DMD: variants seen among roughly 807,000 people sequenced by gnomAD.
DMD encodes the protein mutant dystrophin.
In DMD, 63 loss-of-function variants were observed where a neutral mutation model predicts 330.1. The ratio of observed to expected loss-of-function variants is 0.19; its 90% CI spans 0.16 to 0.24. The LOEUF is 0.24. Ranked by LOEUF, DMD falls within the 10% of genes least tolerant of loss-of-function variation. The pLI is 1.00. For missense variants in DMD, 3,344 were observed against 2,684.1 expected (o/e 1.25, Z -5.43); for synonymous variants, 1,223 against 959.8 (o/e 1.27, Z -5.07).
chrX:32,511,096 T>A (rs1240246138), intron 18 of DMD, among the ~76,000 whole-genome samples: 2 of 110,354 alleles, frequency 1.8e-5, no homozygotes, highest in African/African-American at 6.6e-5. Context: ...TTCATTTTCT[T>A]TTATATATTT....
At chrX:32,040,201 G>C (rs922105222) in intron 44 of DMD, among the ~76,000 whole-genome samples, 9 of 111,886 alleles carry the variant, frequency 8.0e-5, no homozygotes, top group Non-Finnish European at 1.5e-4. Context: ...TCAAATTCAA[G>C]GTCGTTGGAG....
intron 17 of DMD, among the ~76,000 whole-genome samples, chrX:32,532,590 G>A (rs752187120): frequency 8.0e-5 from 9 of 112,302 alleles, no homozygotes; most frequent in Non-Finnish European, 1.1e-4. Context: ...ACTTCGTAAT[G>A]CTATTTTAAG....
At chrX:33,012,057 C>T (rs932281568) in intron 2 of DMD, among the ~76,000 whole-genome samples, 1 of 111,574 alleles carries the variant, frequency 9.0e-6, no homozygotes, top group African/African-American at 3.2e-5. Context: ...ATCTCAGTAA[C>T]ACTGGGTTGA....
chrX:32,849,434 C>T (rs1354997856), intron 3 of DMD, among the ~76,000 whole-genome samples: 6 of 111,778 alleles, frequency 5.4e-5, no homozygotes, highest in Admixed American at 3.8e-4. Context: ...AAGATAATTT[C>T]TCAAGTCATT....
chrX:31,911,471 G>A (rs753744825), intron 47 of DMD, among the ~76,000 whole-genome samples: 4 of 105,520 alleles, frequency 3.8e-5, no homozygotes, highest in Non-Finnish European at 5.8e-5. Context: ...ATGTGATTAT[G>A]TTATACATCA....
At chrX:31,499,236 C>G (rs148484739) in intron 56 of DMD, among the ~76,000 whole-genome samples, 3 of 111,334 alleles carry the variant, frequency 2.7e-5, no homozygotes, top group African/African-American at 9.8e-5. Context: ...GAGAATATAA[C>G]GATGACTAAT....
At chrX:31,335,446 C>T (rs12844827) in intron 61 of DMD, among the ~76,000 whole-genome samples, 6,246 of 111,600 alleles carry the variant, frequency 0.056, 165 homozygotes, top group African/African-American at 0.094. Flanking sequence ...TAATGCAGGC[C>T]CTATGCCCTT....
intron 45 of DMD, among the ~76,000 whole-genome samples, chrX:31,949,772 A>G (rs2095135998): frequency 9.0e-6 from 1 of 110,611 alleles, no homozygotes; most frequent in Admixed American, 9.6e-5. Flanking sequence ...GAATTTTTTC[A>G]TTTAATATGT....
intron 12 of DMD, among the ~76,000 whole-genome samples, chrX:32,600,444 C>G (rs1287536337): frequency 9.1e-6 from 1 of 109,432 alleles, no homozygotes; most frequent in African/African-American, 3.3e-5. Context: ...TTCTTTTGGC[C>G]ATAGCATAGA....
At chrX:31,357,268 G>T (rs1265483339) in intron 60 of DMD, among the ~76,000 whole-genome samples, 1 of 109,937 alleles carries the variant, frequency 9.1e-6, no homozygotes, top group African/African-American at 3.3e-5. Context: ...TGTTCACATG[G>T]TAATTACATA....
At chrX:32,280,133 T>TTATATATACAGTATATATATA (rs764044649) in intron 43 of DMD, among the ~76,000 whole-genome samples, 7 of 92,385 alleles carry the variant, frequency 7.6e-5, no homozygotes, top group East Asian at 3.7e-4. Flanking sequence ...ATATGTGTGT[T>TTATATATACAGTATATATATA]TATATATACA....
chrX:33,291,645 C>T (rs1268569551), intron 1 of DMD, among the ~76,000 whole-genome samples: 2 of 110,487 alleles, frequency 1.8e-5, no homozygotes, highest in East Asian at 2.8e-4. Context: ...AGATAGACAC[C>T]CAATTTATTT....
chrX:32,841,449 C>G (rs772531693), intron 4 of DMD, among the ~76,000 whole-genome samples: 1 of 111,773 alleles, frequency 8.9e-6, no homozygotes, highest in Non-Finnish European at 1.9e-5. Context: ...AGATACTAGG[C>G]TGTATTATAA....
intron 33 of DMD, 135 bp from the exon 34 acceptor site, chrX:32,380,815 T>A: frequency 1.9e-6 from 1 of 530,777 alleles, no homozygotes; most frequent in Non-Finnish European, 2.9e-6. Context: ...TAATATTTTA[T>A]AAAAATCATA....
At chrX:31,274,767 A>G (rs1290993962) in intron 62 of DMD, among the ~76,000 whole-genome samples, 2 of 112,489 alleles carry the variant, frequency 1.8e-5, no homozygotes, top group African/African-American at 6.5e-5. Flanking sequence ...AACTTCAAAC[A>G]TAGTGTATTT....
chrX:32,872,301 T>A (rs1293294973), intron 2 of DMD, among the ~76,000 whole-genome samples: 3 of 112,061 alleles, frequency 2.7e-5, no homozygotes, highest in Non-Finnish European at 5.6e-5. Context: ...TCAATTTGCG[T>A]CCATGTTCAT....
At chrX:33,094,798 A>G (rs2095133457) in intron 1 of DMD, among the ~76,000 whole-genome samples, 1 of 92,830 alleles carries the variant, frequency 1.1e-5, no homozygotes, top group African/African-American at 3.8e-5. Flanking sequence ...ACAGAGCAAG[A>G]CTCCATCTCA....
intron 5 of DMD, among the ~76,000 whole-genome samples, chrX:32,822,928 A>G (rs1457587008): frequency 3.6e-5 from 4 of 111,670 alleles, no homozygotes; most frequent in Non-Finnish European, 7.5e-5. Context: ...AATACCCAAG[A>G]CTGAGAAAGC....
chrX:31,341,937 C>G (rs1328175024), intron 61 of DMD, among the ~76,000 whole-genome samples: 1 of 106,956 alleles, frequency 9.3e-6, no homozygotes, highest in African/African-American at 3.5e-5. Flanking sequence ...ACACACATAT[C>G]TAACAAATTA....
Sources: gnomAD v4.1 joint callset for allele counts (sites outside exome capture counted in the v4.1 genomes callset) on GRCh38, gnomAD v4.1.1 for gene constraint, MANE v1.5 for transcripts, NCBI Gene and HGNC (gene_info 2026-07-23, HGNC 2026-07-21) for gene names.